SLC6A5: variants seen among roughly 807,000 people sequenced by gnomAD.
The protein encoded by SLC6A5 is solute carrier family 6 member 5, also known as sodium- and chloride-dependent glycine transporter 2.
A neutral mutation model predicts 90.5 loss-of-function variants in SLC6A5; 58 were observed. The ratio of observed to expected loss-of-function variants is 0.64; its 90% CI spans 0.52 to 0.80. SLC6A5 has a LOEUF of 0.80. Ranked by LOEUF, SLC6A5 falls within the 30% of genes least tolerant of loss-of-function variation. The pLI is 0.00. For synonymous variants in SLC6A5, 427 were observed against 401.4 expected (o/e 1.06, Z -0.76); for missense variants, 1,015 against 1,017.6 (o/e 1.00, Z 0.03).
Position 20,628,027 on chromosome 11 carries a change from A to G in SLC6A5, c.1443A>G (p.Ala481=), listed in dbSNP as rs1352575247. The G allele has an allele frequency of 5.6e-6, 9 of 1,614,142 alleles. No individual in the cohort carries two copies. Among genetic ancestry groups the G allele is most frequent in the South Asian group, 2.2e-5 (2 of 91,084 alleles). The change falls in exon 9 of 16, where the codon GCA becomes GCG. Residue 481 remains alanine, a synonymous_variant. Coordinates refer to ENST00000525748, the MANE Select transcript of SLC6A5 (RefSeq NM_004211.5). The part of the protein sequence containing the change: ...ATQIFFSLSA[A]WGGLITLSSY... ...AGATTTTCTTCTCTTTATCTGCTGC[A>G]TGGGGAGGCCTGATCACTCTCTCTT...
intron 15 of SLC6A5, 79 bp from the exon 16 acceptor site, chr11:20,654,634 T>C (rs1425966668): frequency 1.4e-6 from 2 of 1,433,226 alleles, no homozygotes; most frequent in Non-Finnish European, 2.0e-6. Context: ...TCATAAGCAG[T>C]TTGGGGATGA....
Position 20,642,155 on chromosome 11 carries a change from G to A in SLC6A5, c.1969+3597G>A, listed in dbSNP as rs184349417. Among the ~76,000 whole-genome samples, 448 of 150,966 alleles carry A rather than the reference G, an allele frequency of 3.0e-3. 3 individuals are homozygous for A. The highest frequency in any genetic ancestry group is 0.011 in the African/African-American group (435 of 41,306). Reference sequence around the variant, plus strand: ...TAAAAAAAAATATGAAGTTCAATATGGTAGCTGGAGAGCGCTAAACCAGGT... The same window carrying A: ...TAAAAAAAAATATGAAGTTCAATATAGTAGCTGGAGAGCGCTAAACCAGGT... On this transcript the variant is annotated intron_variant, in intron 13 of 15. Coordinates refer to ENST00000525748, the MANE Select transcript of SLC6A5 (RefSeq NM_004211.5).
rs56084802 is a variant in SLC6A5, at chr11:20,655,594, C to T, written c.*726C>T. On this transcript the variant is annotated 3_prime_UTR_variant, in exon 16 of 16. Transcript: ENST00000525748. Reference sequence around the variant, plus strand: ...AACCACATTTGTGAGTTCTTTTGGTCATTTCCTCCACCTCTGCCCAAGAAG... The same window carrying T: ...AACCACATTTGTGAGTTCTTTTGGTTATTTCCTCCACCTCTGCCCAAGAAG... 2 of 152,736 alleles carry T rather than the reference C, an allele frequency of 1.3e-5. No homozygotes were observed. Among genetic ancestry groups the T allele is most frequent in the Non-Finnish European group, 2.9e-5 (2 of 68,480 alleles). The allele number at this position is 152,736 out of a possible 1,614,324, so 9.5% of individuals were successfully genotyped here.
chr11:20,605,535 A>G (rs149017069), intron 3 of SLC6A5, among the ~76,000 whole-genome samples: 1 of 152,202 alleles, frequency 6.6e-6, no homozygotes, highest in Non-Finnish European at 1.5e-5. Flanking sequence ...GCACCCAGAT[A>G]GGTTCCCGTT....
chr11:20,628,573 A>ATTTGGAC (rs1853047502), intron 9 of SLC6A5, among the ~76,000 whole-genome samples: 1 of 152,188 alleles, frequency 6.6e-6, no homozygotes, highest in Non-Finnish European at 1.5e-5. Context: ...CAGTCACGTT[A>ATTTGGAC]TGAGATGCTA....
chr11:20,649,270 G>C (rs942708478), intron 14 of SLC6A5, among the ~76,000 whole-genome samples: 2 of 152,180 alleles, frequency 1.3e-5, no homozygotes, highest in South Asian at 2.1e-4. Context: ...TTCCCCTTCT[G>C]TGTTGGCTGG....
intron 7 of SLC6A5, among the ~76,000 whole-genome samples, chr11:20,621,666 G>A (rs10741849): frequency 0.61 from 92,683 of 152,142 alleles, 28,463 homozygotes; most frequent in South Asian, 0.7. Context: ...AGGTGGATGC[G>A]CAGCTGAAGG....
chr11:20,614,896 C>G, intron 6 of SLC6A5, 76 bp downstream of exon 6: 1 of 1,418,134 alleles, frequency 7.1e-7, no homozygotes. Context: ...ATTTGCAGAC[C>G]AGAGGTGTGG....
chr11:20,651,032 T>C (rs1853520842), intron 14 of SLC6A5, among the ~76,000 whole-genome samples: 1 of 152,036 alleles, frequency 6.6e-6, no homozygotes, highest in Non-Finnish European at 1.5e-5. Flanking sequence ...CCATAGCTTA[T>C]TATAGGACCA....
At chr11:20,633,141 G>A (rs565059604) in intron 10 of SLC6A5, among the ~76,000 whole-genome samples, 2 of 152,062 alleles carry the variant, frequency 1.3e-5, no homozygotes, top group African/African-American at 2.4e-5. Flanking sequence ...CCTATGGAGC[G>A]GTGACTCATG....
Position 20,614,751 on chromosome 11 carries a change from A to T in SLC6A5, c.1058A>T (p.Asn353Ile). The change falls in exon 6 of 16, where the codon AAC becomes ATC. Residue 353 changes from asparagine to isoleucine, a missense_variant. This residue lies in a region of SLC6A5 where 567 missense variants were observed against 507.3 expected (regional missense o/e 1.12). Coordinates refer to ENST00000525748, the MANE Select transcript of SLC6A5 (RefSeq NM_004211.5). ...NSTFCMTAYP[N>I]VTMVNFTSQA... ...ACTTTCTGCATGACCGCTTATCCCA[A>T]CGTGACAATGGTTAATTTCACCAGC... The T allele has an allele frequency of 6.2e-7, 1 of 1,613,898 alleles. No individual in the cohort carries two copies.
intron 1 of SLC6A5, among the ~76,000 whole-genome samples, chr11:20,600,475 T>C (rs1590150847): frequency 6.6e-6 from 1 of 152,188 alleles, no homozygotes; most frequent in Non-Finnish European, 1.5e-5. Flanking sequence ...TGGAAGTGAA[T>C]ACGAGTTGTG....
intron 12 of SLC6A5, among the ~76,000 whole-genome samples, chr11:20,637,647 G>T (rs1853235168): frequency 6.6e-6 from 1 of 152,214 alleles, no homozygotes; most frequent in Admixed American, 6.5e-5. Context: ...AGGAGTTCAA[G>T]GTTGCAGTGT....
intron 1 of SLC6A5, 43 bp downstream of exon 1, chr11:20,599,718 G>A (rs1852421341): frequency 1.2e-6 from 2 of 1,613,218 alleles, no homozygotes; most frequent in Non-Finnish European, 1.7e-6. Flanking sequence ...AGGGGGCTGA[G>A]GGGACAGGGA....
At chr11:20,622,873 GT>G in intron 7 of SLC6A5, among the ~76,000 whole-genome samples, 1 of 152,218 alleles carries the variant, frequency 6.6e-6, no homozygotes, top group East Asian at 1.9e-4. Context: ...TCCCCGTGCT[GT>G]TTTGGGGGCA....
At chr11:20,645,633 GTGT>G (rs1410260108) in intron 13 of SLC6A5, among the ~76,000 whole-genome samples, 2,586 of 113,172 alleles carry the variant, frequency 0.023, 70 homozygotes, top group African/African-American at 0.076. Context: ...GAATGATGAA[GTGT>G]TTTTTTTTTT....
chr11:20,606,903 C>A, intron 3 of SLC6A5, 104 bp from the exon 4 acceptor site: 1 of 1,438,436 alleles, frequency 7.0e-7, no homozygotes, highest in South Asian at 1.2e-5. Flanking sequence ...CTAAATTGTC[C>A]TTTAGTTCTT....
chr11:20,600,396 GAAGA>G, intron 1 of SLC6A5, among the ~76,000 whole-genome samples: 1 of 142,308 alleles, frequency 7.0e-6, no homozygotes, highest in Non-Finnish European at 1.6e-5. Context: ...AGAAGAAGAA[GAAGA>G]AGAAGAAGAA....
chr11:20,637,549 G>A (rs1853233355), intron 12 of SLC6A5, among the ~76,000 whole-genome samples: 1 of 152,072 alleles, frequency 6.6e-6, no homozygotes, highest in Admixed American at 6.6e-5. Flanking sequence ...CAAGGCAGGT[G>A]TGTCCTACTT....
Sources: allele counts gnomAD v4.1 joint callset (sites outside exome capture counted in the v4.1 genomes callset), GRCh38; gene constraint gnomAD v4.1.1; regional missense constraint gnomAD v4.1.1; transcripts MANE v1.5; gene names NCBI Gene and HGNC (gene_info 2026-07-23, HGNC 2026-07-21).